The following KLHL24 variants were observed in gnomAD, a reference collection of about 807,000 sequenced individuals.
KLHL24 encodes the protein kelch-like protein 24.
A neutral mutation model predicts 53.4 loss-of-function variants in KLHL24; 29 were observed. The ratio of observed to expected loss-of-function variants is 0.54; its 90% CI spans 0.40 to 0.74. The LOEUF is 0.74. Among genes scored for constraint, KLHL24 ranks in the 30% least tolerant of loss-of-function variants. The pLI is 0.00. For missense variants in KLHL24, 504 were observed against 744.0 expected (o/e 0.68, Z 3.75); for synonymous variants, 222 against 253.7 (o/e 0.88, Z 1.19).
At chr3:183,669,093 A>G (rs1314742431) in intron 5 of KLHL24, among the ~76,000 whole-genome samples, 1 of 152,148 alleles carries the variant, frequency 6.6e-6, no homozygotes, top group Non-Finnish European at 1.5e-5. Flanking sequence ...TGCTCATGGC[A>G]TGTATTATAT....
At chr3:183,637,616 T>C (rs1715537166) in intron 1 of KLHL24, among the ~76,000 whole-genome samples, 1 of 152,194 alleles carries the variant, frequency 6.6e-6, no homozygotes, top group East Asian at 1.9e-4. Flanking sequence ...CTTCTGCAGA[T>C]ATAGGAATTC....
intron 5 of KLHL24, among the ~76,000 whole-genome samples, chr3:183,669,332 A>C (rs1019136589): frequency 6.6e-6 from 1 of 152,158 alleles, no homozygotes; most frequent in African/African-American, 2.4e-5. Flanking sequence ...AGCCTGGGCA[A>C]CAAGAGCGAA....
intron 5 of KLHL24, among the ~76,000 whole-genome samples, chr3:183,667,262 A>C (rs1187613279): frequency 6.6e-6 from 1 of 152,100 alleles, no homozygotes; most frequent in African/African-American, 2.4e-5. Flanking sequence ...CTAAAAATAC[A>C]CAAATTAGCC....
intron 6 of KLHL24, among the ~76,000 whole-genome samples, chr3:183,671,762 A>T (rs913749179): frequency 1.3e-5 from 2 of 152,232 alleles, no homozygotes; most frequent in African/African-American, 4.8e-5. Flanking sequence ...GGAAAAAAGC[A>T]TCTAATGCCT....
chr3:183,678,173 AT>A (rs1192730834), intron 7 of KLHL24, among the ~76,000 whole-genome samples: 1 of 152,266 alleles, frequency 6.6e-6, no homozygotes, highest in African/African-American at 2.4e-5. Flanking sequence ...ACAGAGAATA[AT>A]AAAATTTAGC....
At chr3:183,670,443 G>A (rs1463394703) in intron 5 of KLHL24, among the ~76,000 whole-genome samples, 1 of 152,088 alleles carries the variant, frequency 6.6e-6, no homozygotes, top group Non-Finnish European at 1.5e-5. Context: ...TCTCTTATTT[G>A]TGAAAAGAAA....
intron 1 of KLHL24, among the ~76,000 whole-genome samples, chr3:183,637,114 G>A (rs1008404369): frequency 1.3e-5 from 2 of 152,222 alleles, no homozygotes; most frequent in Admixed American, 1.3e-4. Context: ...CACCCCTGAG[G>A]CAGTGGCTGT....
In KLHL24 at chr3:183,653,987, C is replaced by T. The variant is rs146433925; in HGVS notation, c.920+2711C>T. ...TACAGGTTCTCATCTTTCTGAGAAA[C>T]TCCAAACTTCTTTGAAAGAGGAGTG... On this transcript the variant is annotated intron_variant, in intron 3 of 7. Transcript: ENST00000242810. 3.9e-3 allele frequency among the ~76,000 whole-genome samples: 593 copies of T among 152,300 alleles called. 2 individuals carry two copies. Among genetic ancestry groups the T allele is most frequent in the Middle Eastern group, 0.01 (3 of 294 alleles).
At chr3:183,677,157 A>G (rs1320616387) in intron 7 of KLHL24, among the ~76,000 whole-genome samples, 1 of 152,056 alleles carries the variant, frequency 6.6e-6, no homozygotes, top group Non-Finnish European at 1.5e-5. Flanking sequence ...TCTTTGCTTT[A>G]TTTAACTCTG....
rs933749170 is a variant in KLHL24, at chr3:183,684,294, C to T, written c.*5008C>T. ...AATCTGCTTTACAACTAGTATAGAC[C>T]TAAGGTCATTTGCTTTCAATTAGAG... On this transcript the variant is annotated 3_prime_UTR_variant, in exon 8 of 8. Transcript: ENST00000242810. The T allele has an allele frequency of 1.3e-5, 2 of 152,526 alleles. No individual in the cohort carries two copies. The allele number at this position is 152,526 out of a possible 1,614,324, so 9.4% of individuals were successfully genotyped here.
chr3:183,672,596 G>T, intron 7 of KLHL24, 112 bp downstream of exon 7: 2 of 764,340 alleles, frequency 2.6e-6, no homozygotes, highest in South Asian at 5.1e-5. Context: ...TGGGCGTGGT[G>T]GCTCACGCCT....
chr3:183,664,938 C>T lies in KLHL24; in HGVS notation c.1123C>T (p.Arg375Cys), dbSNP rs775025033. The change falls in exon 5 of 8, where the codon CGT becomes TGT. Residue 375 changes from arginine to cysteine, a missense_variant. Arg to Cys is a radical substitution (Grantham distance 180, BLOSUM62 -3). Coordinates refer to ENST00000242810, the MANE Select transcript of KLHL24 (RefSeq NM_017644.3). Reference protein sequence around the residue: ...ILVSGGRINSRDVWIYNSQLN... With the variant: ...ILVSGGRINSCDVWIYNSQLN... ...ATTTCAAGGTGGAAGAATCAACAGC[C>T]GTGATGTCTGGATTTATAACTCACA... The T allele has an allele frequency of 3.1e-6, 5 of 1,606,372 alleles. No homozygotes were observed. The highest frequency in any genetic ancestry group is 1.7e-5 in the Admixed American group (1 of 59,796).
chr3:183,658,212 CA>C (rs35529680), intron 3 of KLHL24, among the ~76,000 whole-genome samples: 10,063 of 135,358 alleles, frequency 0.074, 1,134 homozygotes, highest in African/African-American at 0.24. Flanking sequence ...GACTCTGTCT[CA>C]AAAAAAAAAA....
At chr3:183,649,262 A>AT (rs145930588) in intron 2 of KLHL24, among the ~76,000 whole-genome samples, 3,195 of 152,136 alleles carry the variant, frequency 0.021, 100 homozygotes, top group East Asian at 0.16. Flanking sequence ...CAGATACATT[A>AT]TTTTTTCTGT....
chr3:183,675,847 A>T (rs1404057299), intron 7 of KLHL24, among the ~76,000 whole-genome samples: 1 of 152,170 alleles, frequency 6.6e-6, no homozygotes, highest in African/African-American at 2.4e-5. Context: ...GTATAAAACG[A>T]TAACAGTTTA....
intron 2 of KLHL24, among the ~76,000 whole-genome samples, chr3:183,646,868 G>A (rs1223533579): frequency 1.3e-5 from 2 of 151,906 alleles, no homozygotes; most frequent in African/African-American, 4.8e-5. Flanking sequence ...GGAGTGCAGT[G>A]GCGCGATCTA....
At chr3:183,676,800 T>C (rs1296044726) in intron 7 of KLHL24, among the ~76,000 whole-genome samples, 1 of 152,148 alleles carries the variant, frequency 6.6e-6, no homozygotes, top group Non-Finnish European at 1.5e-5. Context: ...GTAGACCAGG[T>C]ATTTAAAATA....
chr3:183,655,099 T>C (rs1032806666), intron 3 of KLHL24, among the ~76,000 whole-genome samples: 1 of 152,184 alleles, frequency 6.6e-6, no homozygotes, highest in South Asian at 2.1e-4. Context: ...CCAAGTATTG[T>C]CCAGAGCTCA....
At chr3:183,647,494 C>T (rs1051961918) in intron 2 of KLHL24, among the ~76,000 whole-genome samples, 9 of 152,004 alleles carry the variant, frequency 5.9e-5, no homozygotes, top group Admixed American at 2.6e-4. Context: ...GGGTGGATCA[C>T]GAGGTCAGGA....
Sources: gnomAD v4.1 joint callset for allele counts (sites outside exome capture counted in the v4.1 genomes callset) on GRCh38, gnomAD v4.1.1 for gene constraint, MANE v1.5 for transcripts, NCBI Gene and HGNC (gene_info 2026-07-23, HGNC 2026-07-21) for gene names.